The following ARID1B variants were observed in gnomAD, a reference collection of about 807,000 sequenced individuals.
ARID1B encodes AT-rich interaction domain 1B, also known as AT-rich interactive domain-containing protein 1B.
A neutral mutation model predicts 212.3 loss-of-function variants in ARID1B; 30 were observed. That is an observed-to-expected ratio of 0.14 (90% CI 0.11 to 0.19). The LOEUF (loss-of-function observed/expected upper bound fraction) is 0.19. Among genes scored for constraint, ARID1B ranks in the 10% least tolerant of loss-of-function variants. The probability of loss-of-function intolerance (pLI) is 1.00; values close to 1 mark genes in which losing one functional copy is unlikely to be tolerated. For synonymous variants in ARID1B, 1,402 were observed against 1,301.7 expected (o/e 1.08, Z -1.66); for missense variants, 2,891 against 3,204.0 (o/e 0.90, Z 2.36).
chr6:156,800,702 T>C (rs1452161354), intron 1 of ARID1B, among the ~76,000 whole-genome samples: 6 of 151,870 alleles, frequency 4.0e-5, no homozygotes. Context: ...AGCCCAGGAG[T>C]TTGAGACCAG....
At chr6:157,145,475 G>C (rs1292750203) in intron 7 of ARID1B, among the ~76,000 whole-genome samples, 2 of 152,106 alleles carry the variant, frequency 1.3e-5, no homozygotes, top group Admixed American at 1.3e-4. Flanking sequence ...CCCGTGCGTC[G>C]CCTGTAGGGA....
At chr6:157,125,611 C>T (rs762845325) in intron 6 of ARID1B, among the ~76,000 whole-genome samples, 1 of 152,182 alleles carries the variant, frequency 6.6e-6, no homozygotes, top group African/African-American at 2.4e-5. Context: ...GTGACTTCTT[C>T]GAGGAAACCT....
intron 4 of ARID1B, among the ~76,000 whole-genome samples, chr6:157,020,318 A>G (rs1780145540): frequency 1.3e-5 from 2 of 152,180 alleles, no homozygotes; most frequent in Non-Finnish European, 2.9e-5. Context: ...ATTTACCCCC[A>G]TACAAGTTGA....
intron 4 of ARID1B, among the ~76,000 whole-genome samples, chr6:157,077,744 C>T (rs1308788291): frequency 1.3e-5 from 2 of 152,154 alleles, no homozygotes; most frequent in Non-Finnish European, 2.9e-5. Context: ...TTCATTGAGA[C>T]TCAATGATAG....
Position 156,779,118 on chromosome 6 carries a change from TCGG to T in ARID1B, c.1445_1447del (p.Ala482del), listed in dbSNP as rs1204244118. ...GAGCCTCAGCAAGGCGGCCGCCGGC[TCGG>T]CGGCGGGGGGCTTCCAGCGCTTCGC... On this transcript the variant is annotated inframe_deletion, in exon 1 of 20. Coordinates refer to ENST00000636930, the MANE Select transcript of ARID1B (RefSeq NM_001374828.1). 4.4e-5 allele frequency: 54 copies of T among 1,231,482 alleles called. No homozygotes were observed. Among genetic ancestry groups the T allele is most frequent in the Non-Finnish European group, 5.2e-5 (51 of 988,556 alleles). The allele number at this position is 1,231,482 out of a possible 1,614,324, so 76.3% of individuals were successfully genotyped here.
intron 2 of ARID1B, among the ~76,000 whole-genome samples, chr6:156,841,988 T>C (rs1783933259): frequency 6.6e-6 from 1 of 152,254 alleles, no homozygotes; most frequent in Non-Finnish European, 1.5e-5. Context: ...ATAATAAGAC[T>C]GATTATAATT....
intron 1 of ARID1B, among the ~76,000 whole-genome samples, chr6:156,808,439 T>C (rs1781333427): frequency 6.6e-6 from 1 of 152,216 alleles, no homozygotes; most frequent in South Asian, 2.1e-4. Context: ...CTTGGCAGCC[T>C]ATCACGTGGT....
At chr6:157,106,156 A>G (rs771118900) in intron 5 of ARID1B, among the ~76,000 whole-genome samples, 5 of 152,264 alleles carry the variant, frequency 3.3e-5, no homozygotes, top group Non-Finnish European at 7.4e-5. Flanking sequence ...TGTTGAGTAA[A>G]CTATGGAGCA....
chr6:156,780,916 A>G (rs1779212597), intron 1 of ARID1B, among the ~76,000 whole-genome samples: 1 of 152,240 alleles, frequency 6.6e-6, no homozygotes, highest in Non-Finnish European at 1.5e-5. Context: ...AGCCTTTATA[A>G]AAGTCTTCCC....
chr6:156,804,867 C>CAAAAAAAAAAAAAAAAAAAAAAAA (rs61315445), intron 1 of ARID1B, among the ~76,000 whole-genome samples: 2 of 85,084 alleles, frequency 2.4e-5, no homozygotes, highest in Non-Finnish European at 2.2e-5. Flanking sequence ...ATCTGATTGG[C>CAAAAAAAAAAAAAAAAAAAAAAAA]AAAAAAAAAA....
At chr6:157,079,188 AT>A (rs935349859) in intron 4 of ARID1B, among the ~76,000 whole-genome samples, 131 of 152,188 alleles carry the variant, frequency 8.6e-4, no homozygotes, top group Non-Finnish European at 1.4e-3. Flanking sequence ...TGCTTGGCAG[AT>A]TTTTTTTCCA....
chr6:157,178,108 C>T (rs977343261), intron 11 of ARID1B, among the ~76,000 whole-genome samples: 24 of 152,192 alleles, frequency 1.6e-4, no homozygotes, highest in African/African-American at 5.3e-4. Context: ...TGGCAGCGGA[C>T]GCAACCTCTT....
intron 3 of ARID1B, among the ~76,000 whole-genome samples, chr6:156,927,059 A>G (rs550627487): frequency 6.6e-6 from 1 of 152,358 alleles, no homozygotes; most frequent in Non-Finnish European, 1.5e-5. Flanking sequence ...GAGACATAAT[A>G]CAGTTATCAC....
chr6:157,090,943 C>T (rs1022499286), intron 5 of ARID1B, among the ~76,000 whole-genome samples: 1 of 152,302 alleles, frequency 6.6e-6, no homozygotes, highest in Admixed American at 6.5e-5. Context: ...ACGTGTGCCT[C>T]CTGCCTGGGG....
intron 6 of ARID1B, among the ~76,000 whole-genome samples, chr6:157,114,321 G>A (rs1049294465): frequency 2.0e-5 from 3 of 151,746 alleles, no homozygotes; most frequent in African/African-American, 2.4e-5. Flanking sequence ...TCAGGAGTTC[G>A]AGTCCAGCCT....
intron 2 of ARID1B, among the ~76,000 whole-genome samples, chr6:156,893,828 C>T (rs1056228432): frequency 6.6e-6 from 1 of 152,140 alleles, no homozygotes; most frequent in East Asian, 1.9e-4. Context: ...TGGAAGCTTG[C>T]GTCCTGTTGG....
chr6:157,039,755 T>TCCTA (rs150641299), intron 4 of ARID1B, among the ~76,000 whole-genome samples: 21 of 120,678 alleles, frequency 1.7e-4, no homozygotes, highest in Non-Finnish European at 3.5e-4. Context: ...CTTCCTTCCT[T>TCCTA]CCTACCTTCC....
intron 4 of ARID1B, among the ~76,000 whole-genome samples, chr6:156,945,089 A>T (rs1792982688): frequency 1.6e-5 from 2 of 124,564 alleles, no homozygotes; most frequent in African/African-American, 3.0e-5. Context: ...AGTCGGGCTA[A>T]TTTTTTTGTA....
intron 3 of ARID1B, among the ~76,000 whole-genome samples, chr6:156,932,140 A>T (rs1413447390): frequency 8.8e-6 from 1 of 113,928 alleles, no homozygotes; most frequent in South Asian, 3.1e-4. Flanking sequence ...TTAAAAAAAA[A>T]AAAAAGGGGG....
Sources: gnomAD v4.1 joint callset for allele counts (sites outside exome capture counted in the v4.1 genomes callset) on GRCh38, gnomAD v4.1.1 for gene constraint, MANE v1.5 for transcripts, NCBI Gene and HGNC (gene_info 2026-07-23, HGNC 2026-07-21) for gene names.